MTCL1: variants seen among roughly 807,000 people sequenced by gnomAD.
The protein encoded by MTCL1 is microtubule crosslinking factor 1.
Under a neutral mutation model 141.4 loss-of-function variants are expected in MTCL1, and 79 were observed. The ratio of observed to expected loss-of-function variants is 0.56; its 90% CI spans 0.47 to 0.67. The LOEUF (loss-of-function observed/expected upper bound fraction) is 0.67. Ranked by LOEUF, MTCL1 falls within the 30% of genes least tolerant of loss-of-function variation. The pLI, the probability that MTCL1 is intolerant of heterozygous loss-of-function variation, is 0.00. For synonymous variants in MTCL1, 914 were observed against 875.8 expected (o/e 1.04, Z -0.77); for missense variants, 2,177 against 2,113.9 (o/e 1.03, Z -0.59).
chr18:8,825,352 G>A (rs902919732), exon 15 of MTCL1: 1 of 1,538,372 alleles, frequency 6.5e-7, no homozygotes, highest in Non-Finnish European at 8.8e-7. Context: ...AAGAACTTGA[G>A]TGATGACATG....
At chr18:8,767,631 G>A (rs1423603038) in intron 4 of MTCL1, among the ~76,000 whole-genome samples, 1 of 152,078 alleles carries the variant, frequency 6.6e-6, no homozygotes. Flanking sequence ...TTGAGTACCC[G>A]GGGTCCATCA....
At position 8,779,631 on chromosome 18, in the gene MTCL1, C is replaced by T. The variant is rs749555573; in HGVS notation, c.417+1739C>T. On this transcript the variant is annotated intron_variant, in intron 5 of 16. Transcript: ENST00000359865. The surrounding 1 kb of genome is among the most constrained non-coding windows in gnomAD (Gnocchi z 4.1). Reference sequence around the variant, plus strand: ...GCAGCGGGCCCTGCTCCAGCTGCCTCGACCTCACGGAAGACGTCTGACTCC... The same window carrying T: ...GCAGCGGGCCCTGCTCCAGCTGCCTTGACCTCACGGAAGACGTCTGACTCC... Among the ~76,000 whole-genome samples the T allele has an allele frequency of 2.0e-5, 3 of 152,050 alleles. No homozygotes were observed. The highest frequency in any genetic ancestry group is 2.1e-4 in the South Asian group (1 of 4,796).
At chr18:8,742,415 G>T (rs1338127888) in intron 4 of MTCL1, among the ~76,000 whole-genome samples, 10 of 152,166 alleles carry the variant, frequency 6.6e-5, no homozygotes, top group Admixed American at 3.3e-4. Context: ...CCACATGGCT[G>T]GGGAGGCCTT....
intron 4 of MTCL1, among the ~76,000 whole-genome samples, chr18:8,720,798 G>C (rs1436134015): frequency 6.6e-6 from 1 of 152,122 alleles, no homozygotes; most frequent in Non-Finnish European, 1.5e-5. Context: ...ACGCTTATTG[G>C]GCCCTGGTCT....
chr18:8,742,351 C>T (rs528155), intron 4 of MTCL1, among the ~76,000 whole-genome samples: 50,223 of 151,682 alleles, frequency 0.33, 8,555 homozygotes, highest in South Asian at 0.41. Context: ...CTAATAAAGA[C>T]GCACCTGAGA....
chr18:8,806,831 CT>C, intron 10 of MTCL1, 61 bp from the exon 10 acceptor site: 1 of 1,567,542 alleles, frequency 6.4e-7, no homozygotes, highest in South Asian at 1.2e-5. Context: ...AGATCCTCTC[CT>C]CTTCTGACCT....
intron 10 of MTCL1, among the ~76,000 whole-genome samples, chr18:8,800,040 A>C (rs544511445): frequency 2.0e-5 from 3 of 152,356 alleles, no homozygotes; most frequent in African/African-American, 4.8e-5. Flanking sequence ...GCCAGTGTTC[A>C]CAGTAGTGAG....
chr18:8,795,039 C>T (rs541792081), intron 8 of MTCL1, among the ~76,000 whole-genome samples: 4 of 152,164 alleles, frequency 2.6e-5, no homozygotes, highest in African/African-American at 4.8e-5. Flanking sequence ...AGGGGAGAAT[C>T]GGTGGAATGC....
At chr18:8,786,310 G>C (rs2096555386) in intron 7 of MTCL1, 2 of 704,392 alleles carry the variant, frequency 2.8e-6, no homozygotes, top group Admixed American at 4.0e-5. Context: ...GTCAGACAGA[G>C]GGACAGCTCA....
In MTCL1 at chr18:8,826,207, A is replaced by T. The variant is rs746782054; in HGVS notation, c.4697A>T (p.Asp1566Val). 7.5e-6 allele frequency: 12 copies of T among 1,606,296 alleles called. No homozygotes were observed. The highest frequency in any genetic ancestry group is 1.3e-5 in the African/African-American group (1 of 74,870). The change falls in exon 15 of 17, where the codon GAC becomes GTC. Residue 1566 changes from aspartate (D) to valine (V), a missense_variant. Physicochemically the swap from Asp to Val is radical, Grantham distance 152. Coordinates refer to ENST00000359865, the Ensembl canonical transcript of MTCL1. ...CACAGTGACAGCCACTCGCTGGGGG[A>T]CACAGCCGAGCCAGGGCCCATGGAG...
chr18:8,753,515 T>A (rs2096382341), intron 4 of MTCL1, among the ~76,000 whole-genome samples: 1 of 152,190 alleles, frequency 6.6e-6, no homozygotes, highest in Non-Finnish European at 1.5e-5. Context: ...CCAGTAAGCA[T>A]GACCCAATGG....
At position 8,728,628 on chromosome 18, in the gene MTCL1, GA is replaced by G. The variant is rs1435012303; in HGVS notation, c.357+8135del. Among the ~76,000 whole-genome samples the G allele has an allele frequency of 1.1e-4, 16 of 149,220 alleles. No homozygotes were observed. The East Asian group carries it at 2.8e-3, about 27-fold the overall frequency. ...CTCACTCCGAATAGTGTTCGATAGT[GA>G]AATTTTCTCTGAATTGTATTTCCTT... On this transcript the variant is annotated intron_variant, in intron 4 of 16. Coordinates refer to ENST00000359865, the Ensembl canonical transcript of MTCL1.
exon 3 of MTCL1, chr18:8,718,634 G>A (rs868483647): frequency 6.2e-7 from 1 of 1,612,978 alleles, no homozygotes. Flanking sequence ...TCGAAGCCTG[G>A]AGCAGGACTT....
At chr18:8,780,356 C>T (rs1368325848) in intron 5 of MTCL1, among the ~76,000 whole-genome samples, 1 of 152,250 alleles carries the variant, frequency 6.6e-6, no homozygotes, top group African/African-American at 2.4e-5. Context: ...ACATCAAGGC[C>T]TCACCAGCTG....
chr18:8,724,366 G>A (rs140390516), intron 4 of MTCL1, among the ~76,000 whole-genome samples: 104 of 152,154 alleles, frequency 6.8e-4, no homozygotes, highest in East Asian at 2.3e-3. Context: ...AGCCGAGATC[G>A]CGCCATTGCA....
chr18:8,710,552 A>G (rs2148758637), intron 1 of MTCL1, among the ~76,000 whole-genome samples: 1 of 151,128 alleles, frequency 6.6e-6, no homozygotes, highest in East Asian at 1.9e-4. Context: ...AAACTGTTGA[A>G]AGTGTACCTG....
rs1334211016 is a variant in MTCL1, at chr18:8,785,928, C to T, written c.1732-8C>T. ...AACAACAACAAATTCCTCCCGTGCA[C>T]CTAACAGTCCAGACTGAAAGAGCAG... is the stretch of plus-strand genomic sequence containing the variant. On this transcript the variant is annotated splice_region_variant and splice_polypyrimidine_tract_variant and intron_variant, in intron 6 of 16. Transcript: ENST00000359865. 1.3e-6 allele frequency: 2 copies of T among 1,578,330 alleles called. No individual in the cohort carries two copies. Among genetic ancestry groups the T allele is most frequent in the East Asian group, 2.3e-5 (1 of 44,444 alleles).
At chr18:8,804,253 A>ATTT (rs576046249) in intron 10 of MTCL1, among the ~76,000 whole-genome samples, 4 of 135,914 alleles carry the variant, frequency 2.9e-5, no homozygotes, top group East Asian at 2.1e-4. Flanking sequence ...TAATTTTTAG[A>ATTT]TTTTTTTTTT....
intron 6 of MTCL1, among the ~76,000 whole-genome samples, 184 bp downstream of exon 5, chr18:8,785,027 T>G (rs533965124): frequency 3.9e-5 from 6 of 152,084 alleles, no homozygotes; most frequent in Non-Finnish European, 5.9e-5. Flanking sequence ...TTTTGTTTTT[T>G]TTTTTTTTAA....
Sources: gnomAD v4.1 joint callset for allele counts (sites outside exome capture counted in the v4.1 genomes callset) on GRCh38, gnomAD v4.1.1 for gene constraint, Gnocchi (gnomAD v3.1) non-coding constraint, MANE v1.5 for transcripts, NCBI Gene and HGNC (gene_info 2026-07-23, HGNC 2026-07-21) for gene names.